The following SOX5 variants were observed in gnomAD, a reference collection of about 807,000 sequenced individuals.
The protein encoded by SOX5 is transcription factor SOX-5.
SOX5 carries 9 observed loss-of-function variants against 92.0 expected under a neutral mutation model. That is an observed-to-expected ratio of 0.10 (90% CI 0.06 to 0.17). The LOEUF is 0.17. SOX5 is among the 10% of genes least tolerant of loss of function. The probability of loss-of-function intolerance (pLI) is 1.00; values close to 1 mark genes in which losing one functional copy is unlikely to be tolerated. For missense variants in SOX5, 642 were observed against 944.5 expected, an observed-to-expected ratio of 0.68 and a Z score of 4.20; for synonymous variants, 344 against 336.3, an observed-to-expected ratio of 1.02 and a Z score of -0.25.
At chr12:23,564,871 C>G (rs1946802362) in intron 10 of SOX5, among the ~76,000 whole-genome samples, 1 of 152,154 alleles carries the variant, frequency 6.6e-6, no homozygotes, top group Non-Finnish European at 1.5e-5. Flanking sequence ...AGAATATGTT[C>G]TTGCTGCTTA....
chr12:24,156,426 A>G (rs1258903888), intron 4 of SOX5, among the ~76,000 whole-genome samples: 2 of 152,180 alleles, frequency 1.3e-5, no homozygotes, highest in Non-Finnish European at 2.9e-5. Context: ...CTGGGGAACA[A>G]TAATATAATA....
intron 3 of SOX5, among the ~76,000 whole-genome samples, chr12:23,812,560 T>C (rs1472424434): frequency 6.6e-6 from 1 of 151,920 alleles, no homozygotes; most frequent in Non-Finnish European, 1.5e-5. Context: ...AAAGACACAA[T>C]AAAATTTTGA....
intron 3 of SOX5, among the ~76,000 whole-genome samples, chr12:24,250,027 T>C (rs1035233064): frequency 6.6e-6 from 1 of 152,140 alleles, no homozygotes; most frequent in Non-Finnish European, 1.5e-5. Context: ...AGCACTGCCA[T>C]TACATTCAGT....
chr12:23,742,129 T>C (rs2141015149), intron 4 of SOX5, among the ~76,000 whole-genome samples: 1 of 152,310 alleles, frequency 6.6e-6, no homozygotes, highest in African/African-American at 2.4e-5. Context: ...TAGAAGGATC[T>C]GTTATAACTC....
At chr12:23,665,387 C>G in intron 7 of SOX5, 57 bp downstream of exon 7, 1 of 1,578,996 alleles carries the variant, frequency 6.3e-7, no homozygotes, top group East Asian at 2.2e-5. Flanking sequence ...TATTAAATTG[C>G]CTAATTTAAA....
intron 3 of SOX5, among the ~76,000 whole-genome samples, chr12:23,812,584 A>G (rs1030409793): frequency 7.2e-5 from 11 of 152,150 alleles, no homozygotes; most frequent in East Asian, 3.9e-4. Context: ...CATAAATAAT[A>G]TGAGCAAGGC....
chr12:24,541,174 A>C (rs1478150620), intron 1 of SOX5, among the ~76,000 whole-genome samples: 3 of 152,240 alleles, frequency 2.0e-5, no homozygotes, highest in Non-Finnish European at 4.4e-5. Context: ...ATACTTTTTC[A>C]CACATTATTG....
chr12:24,511,684 C>A (rs1204385065), intron 1 of SOX5, among the ~76,000 whole-genome samples: 1 of 152,114 alleles, frequency 6.6e-6, no homozygotes, highest in East Asian at 1.9e-4. Flanking sequence ...TGCGGCCGGG[C>A]GCAGTGGCTC....
At chr12:24,248,635 T>G (rs527702841) in intron 3 of SOX5, among the ~76,000 whole-genome samples, 1 of 152,304 alleles carries the variant, frequency 6.6e-6, no homozygotes, top group African/African-American at 2.4e-5. Context: ...TCCGCCTGAC[T>G]TGGCCTCCCA....
intron 2 of SOX5, among the ~76,000 whole-genome samples, chr12:24,340,042 C>A (rs1384339019): frequency 6.6e-6 from 1 of 152,204 alleles, no homozygotes; most frequent in East Asian, 1.9e-4. Flanking sequence ...GCTGGCCCTG[C>A]AGAAGAGTCT....
At chr12:24,074,596 G>A (rs1337187013) in intron 4 of SOX5, among the ~76,000 whole-genome samples, 1 of 131,042 alleles carries the variant, frequency 7.6e-6, no homozygotes, top group Non-Finnish European at 1.6e-5. Context: ...ACACAAACCT[G>A]GTGTCAGGCT....
At chr12:23,627,413 T>C (rs1462114315) in intron 8 of SOX5, among the ~76,000 whole-genome samples, 1 of 152,190 alleles carries the variant, frequency 6.6e-6, no homozygotes, top group Non-Finnish European at 1.5e-5. Flanking sequence ...TGAATTTCTC[T>C]ATTTGCCTTA....
chr12:24,057,142 G>C (rs1259275745), intron 4 of SOX5, among the ~76,000 whole-genome samples: 1 of 151,806 alleles, frequency 6.6e-6, no homozygotes, highest in East Asian at 1.9e-4. Context: ...GTTTCAAATA[G>C]ATAAAAGAAG....
chr12:23,864,415 GT>G (rs1252873989), intron 2 of SOX5, among the ~76,000 whole-genome samples: 2 of 152,252 alleles, frequency 1.3e-5, no homozygotes, highest in East Asian at 3.9e-4. Flanking sequence ...ATTATACTTA[GT>G]GAGAAAGGCA....
intron 4 of SOX5, among the ~76,000 whole-genome samples, chr12:24,053,710 C>T (rs969925005): frequency 6.6e-6 from 1 of 152,178 alleles, no homozygotes; most frequent in Non-Finnish European, 1.5e-5. Flanking sequence ...AATTGCTGCA[C>T]CTCATGTCTT....
intron 3 of SOX5, among the ~76,000 whole-genome samples, chr12:24,218,609 G>A (rs1319400167): frequency 2.6e-5 from 4 of 151,944 alleles, no homozygotes; most frequent in African/African-American, 9.7e-5. Context: ...ATGAACACTT[G>A]GAATGAATGA....
chr12:24,533,183 T>C (rs552022079), intron 1 of SOX5, among the ~76,000 whole-genome samples: 1 of 152,308 alleles, frequency 6.6e-6, no homozygotes, highest in Admixed American at 6.5e-5. Flanking sequence ...ACATAATGAA[T>C]ATGATATTCT....
At chr12:24,093,621 T>C (rs1459978610) in intron 4 of SOX5, among the ~76,000 whole-genome samples, 3 of 151,948 alleles carry the variant, frequency 2.0e-5, no homozygotes, top group Non-Finnish European at 4.4e-5. Context: ...TATATTGATC[T>C]ATATTAATAC....
At chr12:24,268,790 G>A (rs766966762) in intron 3 of SOX5, among the ~76,000 whole-genome samples, 3 of 152,120 alleles carry the variant, frequency 2.0e-5, no homozygotes, top group Non-Finnish European at 2.9e-5. Context: ...ATTTGGCCAA[G>A]GTCTTTCATT....
Sources: allele counts gnomAD v4.1 joint callset (sites outside exome capture counted in the v4.1 genomes callset), GRCh38; gene constraint gnomAD v4.1.1; transcripts MANE v1.5; gene names NCBI Gene and HGNC (gene_info 2026-07-23, HGNC 2026-07-21).